ZNF266: variants seen among roughly 807,000 people sequenced by gnomAD.
The protein encoded by ZNF266 is zinc finger protein 266, also known as zinc finger protein 1.
Under a neutral mutation model 16.4 loss-of-function variants are expected in ZNF266, and 16 were observed. That is an observed-to-expected ratio of 0.98 (90% CI 0.66 to 1.48). The LOEUF (loss-of-function observed/expected upper bound fraction) is 1.48, where lower values mean the gene tolerates loss of function less well. Ranked by LOEUF, ZNF266 falls within the 40% of genes most tolerant of loss-of-function variation. The pLI, the probability that ZNF266 is intolerant of heterozygous loss-of-function variation, is 0.00. For missense variants in ZNF266, 738 were observed against 689.1 expected (o/e 1.07, Z -0.79); for synonymous variants, 262 against 237.9 (o/e 1.10, Z -0.93).
At chr19:9,422,028 T>C (rs1297118684) in intron 5 of ZNF266, among the ~76,000 whole-genome samples, 2 of 152,182 alleles carry the variant, frequency 1.3e-5, no homozygotes, top group Non-Finnish European at 2.9e-5. Context: ...TTTTTTTGTA[T>C]TTTTAGTAGA....
chr19:9,417,684 G>A (rs145126274), intron 9 of ZNF266, 144 bp downstream of exon 9: 17 of 569,880 alleles, frequency 3.0e-5, no homozygotes, highest in Admixed American at 1.9e-4. Flanking sequence ...CGAGGCGGAG[G>A]TTGCAGTGAG....
intron 9 of ZNF266, 112 bp from the exon 10 acceptor site, chr19:9,415,854 C>CAAGA: frequency 4.8e-6 from 4 of 836,506 alleles, no homozygotes; most frequent in Non-Finnish European, 7.3e-6. Flanking sequence ...GACGGTGTCT[C>CAAGA]ACTCTGTTGC....
Position 9,423,805 on chromosome 19 carries a change from G to A in ZNF266, c.-129-3587C>T, listed in dbSNP as rs184877564. Among the ~76,000 whole-genome samples the A allele has an allele frequency of 5.3e-3, 809 of 152,160 alleles. 26 individuals carry two copies. The highest frequency in any genetic ancestry group is 2.0e-3 in the Non-Finnish European group (136 of 67,988). ...CAGGTCAGGAGTTCGTGACCAGCCCGGCCAACATGGTGAAACCCCGTCTCT... is the reference window on the plus strand; with the variant it reads ...CAGGTCAGGAGTTCGTGACCAGCCCAGCCAACATGGTGAAACCCCGTCTCT... On this transcript the variant is annotated intron_variant, in intron 5 of 10. Coordinates refer to ENST00000592904, the MANE Select transcript of ZNF266 (RefSeq NM_001370374.1).
chr19:9,420,942 C>G (rs969152026), intron 5 of ZNF266, among the ~76,000 whole-genome samples: 3 of 152,114 alleles, frequency 2.0e-5, no homozygotes, highest in Admixed American at 6.6e-5. Context: ...TAAACCTGCA[C>G]AGTACAACAC....
intron 9 of ZNF266, among the ~76,000 whole-genome samples, chr19:9,416,444 A>G (rs2069014111): frequency 6.6e-6 from 1 of 150,710 alleles, no homozygotes; most frequent in Non-Finnish European, 1.5e-5. Context: ...GCTCACTGCA[A>G]CTTCCGCCTC....
At chr19:9,428,730 A>C (rs927358283) in intron 5 of ZNF266, among the ~76,000 whole-genome samples, 2 of 151,932 alleles carry the variant, frequency 1.3e-5, no homozygotes, top group East Asian at 1.9e-4. Flanking sequence ...AAAAAAAAAA[A>C]AAACCCTGGG....
rs2068470133 is a variant in ZNF266, at chr19:9,413,156, G to A, written c.*119C>T. 7.8e-7 allele frequency: 1 copy of A among 1,276,422 alleles called. No individual in the cohort carries two copies. Among genetic ancestry groups the A allele is most frequent in the South Asian group, 1.5e-5 (1 of 65,492 alleles). 79.1% of individuals were successfully genotyped at this position (1,276,422 alleles called of 1,614,324 possible). Reference sequence around the variant, plus strand: ...TCTTCTCCACTGTGAATTCATATGTGTTCATTAAGACCTGAGATACAAAGT... The same window carrying A: ...TCTTCTCCACTGTGAATTCATATGTATTCATTAAGACCTGAGATACAAAGT... On this transcript the variant is annotated 3_prime_UTR_variant, in exon 11 of 11. Coordinates refer to ENST00000592904, the MANE Select transcript of ZNF266 (RefSeq NM_001370374.1).
chr19:9,433,432 G>A (rs2071945280), intron 5 of ZNF266, among the ~76,000 whole-genome samples: 1 of 152,048 alleles, frequency 6.6e-6, no homozygotes, highest in South Asian at 2.1e-4. Context: ...GGTAGGAGAA[G>A]GAACCCAAAA....
At chr19:9,429,497 T>C (rs2071266610) in intron 5 of ZNF266, among the ~76,000 whole-genome samples, 1 of 152,002 alleles carries the variant, frequency 6.6e-6, no homozygotes, top group Non-Finnish European at 1.5e-5. Context: ...GTATCCACTT[T>C]ATACCCCAGT....
chr19:9,417,573 A>G (rs2069236594), intron 9 of ZNF266, among the ~76,000 whole-genome samples: 1 of 152,062 alleles, frequency 6.6e-6, no homozygotes, highest in Non-Finnish European at 1.5e-5. Context: ...CTAAAAATAC[A>G]AAAATTAGCC....
At chr19:9,431,306 G>T (rs1246619960) in intron 5 of ZNF266, among the ~76,000 whole-genome samples, 1 of 152,182 alleles carries the variant, frequency 6.6e-6, no homozygotes, top group Admixed American at 6.5e-5. Flanking sequence ...ACCACCCTGT[G>T]GCCCTCCTAA....
intron 7 of ZNF266, 140 bp from the exon 8 acceptor site, chr19:9,418,771 G>T: frequency 3.6e-6 from 2 of 561,870 alleles, no homozygotes; most frequent in South Asian, 2.1e-5. Context: ...CTCACTGTCA[G>T]TCCCCTCCAG....
chr19:9,431,390 CTTGT>C lies in ZNF266; in HGVS notation c.-130+2274_-130+2277del, dbSNP rs375080933. On this transcript the variant is annotated intron_variant, in intron 5 of 10. Coordinates refer to ENST00000592904, the MANE Select transcript of ZNF266 (RefSeq NM_001370374.1). ...GCACATGTGCCGACTGGCTTGATGG[CTTGT>C]GTCCCTCATGACACAGACAATGCGC... is the stretch of plus-strand genomic sequence containing the variant. Among the ~76,000 whole-genome samples the C allele has an allele frequency of 7.6e-3, 1,161 of 152,354 alleles. 9 individuals carry two copies. Among genetic ancestry groups the C allele is most frequent in the African/African-American group, 0.027 (1,106 of 41,576 alleles).
At chr19:9,422,522 A>G (rs1440542256) in intron 5 of ZNF266, among the ~76,000 whole-genome samples, 1 of 152,222 alleles carries the variant, frequency 6.6e-6, no homozygotes, top group African/African-American at 2.4e-5. Context: ...GCCTGTCTGC[A>G]TACCAAAGAC....
intron 6 of ZNF266, 93 bp from the exon 7 acceptor site, chr19:9,419,392 C>T (rs2122987468): frequency 6.5e-6 from 1 of 152,878 alleles, no homozygotes; most frequent in East Asian, 1.9e-4. Context: ...CTGTGAGATT[C>T]CTATATACTC....
intron 5 of ZNF266, among the ~76,000 whole-genome samples, chr19:9,431,947 A>G (rs1377199663): frequency 6.6e-6 from 1 of 152,094 alleles, no homozygotes; most frequent in Admixed American, 6.6e-5. Context: ...GTCTCAAGTC[A>G]GTTGGGTTTT....
chr19:9,434,144 T>C lies in ZNF266; in HGVS notation c.-318A>G, dbSNP rs917518979. 1 of 152,228 alleles carries C rather than the reference T, an allele frequency of 6.6e-6. No homozygotes were observed. The highest frequency in any genetic ancestry group is 2.4e-5 in the African/African-American group (1 of 41,454). The allele number at this position is 152,228 out of a possible 1,614,324, so 9.4% of individuals were successfully genotyped here. A position where few individuals can be genotyped will look rare whatever the true frequency, so the allele number is the denominator to read the frequency against. On this transcript the variant is annotated 5_prime_UTR_variant, in exon 4 of 11. Transcript: ENST00000592904. ...GGAGTCAGCCAATTCACAGAATGCTTTGCCCAGCTCTTATTTCCTTCCCCT... is the reference window on the plus strand; with the variant it reads ...GGAGTCAGCCAATTCACAGAATGCTCTGCCCAGCTCTTATTTCCTTCCCCT...
chr19:9,429,484 T>G (rs1385187937), intron 5 of ZNF266, among the ~76,000 whole-genome samples: 1 of 151,942 alleles, frequency 6.6e-6, no homozygotes, highest in Non-Finnish European at 1.5e-5. Context: ...TCTACTTCAA[T>G]GGGTATCCAC....
Position 9,418,538 on chromosome 19 carries a change from T to C in ZNF266, c.202A>G (p.Met68Val). Residue 68 changes from methionine to valine, a missense_variant, in exon 8 of 11, where the codon ATG (methionine) becomes GTG (valine). Physicochemically the swap from Met to Val is conservative, Grantham distance 21. Transcript: ENST00000592904. ...GCCAAATTCTTGTAGTTCTCCAGCA[T>C]CACATCTCTGTAGAGGTTTCTCTGA... ...PTQRNLYRDV[M>V]LENYKNLATV... 6.2e-7 allele frequency: 1 copy of C among 1,614,194 alleles called. No individual in the cohort carries two copies. Among genetic ancestry groups the C allele is most frequent in the East Asian group, 2.2e-5 (1 of 44,888 alleles).
Sources: allele counts gnomAD v4.1 joint callset (sites outside exome capture counted in the v4.1 genomes callset), GRCh38; gene constraint gnomAD v4.1.1; transcripts MANE v1.5; gene names NCBI Gene and HGNC (gene_info 2026-07-23, HGNC 2026-07-21).